AGMO: variants seen among roughly 807,000 people sequenced by gnomAD.
AGMO encodes glyceryl-ether monooxygenase.
AGMO carries 75 observed loss-of-function variants against 60.2 expected under a neutral mutation model. That is an observed-to-expected ratio of 1.25 (90% CI 1.03 to 1.51). AGMO has a LOEUF of 1.51. AGMO is among the 40% of genes most tolerant of loss of function. The pLI is 0.00. For synonymous variants in AGMO, 261 were observed against 177.1 expected (o/e 1.47, Z -3.76); for missense variants, 763 against 525.5 (o/e 1.45, Z -4.42).
chr7:15,392,009 G>A (rs1314368881), intron 6 of AGMO, among the ~76,000 whole-genome samples: 1 of 152,162 alleles, frequency 6.6e-6, no homozygotes, highest in African/African-American at 2.4e-5. Flanking sequence ...AGAGGAAGTA[G>A]CAACTGTTTC....
At chr7:15,271,650 C>T (rs997029168) in intron 12 of AGMO, among the ~76,000 whole-genome samples, 2 of 152,034 alleles carry the variant, frequency 1.3e-5, no homozygotes, top group Non-Finnish European at 2.9e-5. Flanking sequence ...AATTTGGATG[C>T]CTTTTATTTC....
intron 2 of AGMO, among the ~76,000 whole-genome samples, chr7:15,553,338 TAAATA>T (rs936414596): frequency 1.2e-4 from 18 of 150,518 alleles, no homozygotes; most frequent in African/African-American, 1.2e-4. Context: ...AATAAATAAA[TAAATA>T]AAATAAAATA....
chr7:15,395,042 A>G (rs754418521), intron 5 of AGMO, among the ~76,000 whole-genome samples: 1 of 152,218 alleles, frequency 6.6e-6, no homozygotes, highest in African/African-American at 2.4e-5. Context: ...GGTATGTTAC[A>G]TGAATAATAC....
chr7:15,138,928 C>A, the AGMO span, among the ~76,000 whole-genome samples: 1 of 152,056 alleles, frequency 6.6e-6, no homozygotes, highest in Non-Finnish European at 1.5e-5. Flanking sequence ...TATTTATATA[C>A]ATTACATATA....
chr7:15,161,322 AAG>A, the AGMO span, among the ~76,000 whole-genome samples: 7 of 152,088 alleles, frequency 4.6e-5, no homozygotes, highest in African/African-American at 1.7e-4. Flanking sequence ...TTCCCCAAGA[AAG>A]AGCAAATTCT....
chr7:15,502,501 C>T lies in AGMO; in HGVS notation c.409+42271G>A, dbSNP rs150300643. On this transcript the variant is annotated intron_variant, in intron 3 of 12. Coordinates refer to ENST00000342526, the MANE Select transcript of AGMO (RefSeq NM_001004320.2). ...ATATGGGGTCAGATCTCCAGAGAGT[C>T]GCTGATGGTTTTGAGGGTCTGGCTA... is the stretch of plus-strand genomic sequence containing the variant. 3.4e-4 allele frequency among the ~76,000 whole-genome samples: 52 copies of T among 152,040 alleles called. No homozygotes were observed. The East Asian group carries it at 5.0e-3, about 15-fold the overall frequency.
At position 15,512,315 on chromosome 7, in the gene AGMO, G is replaced by A. The variant is rs149314261; in HGVS notation, c.409+32457C>T. ...CTGTTACCCAGGCTGGAGTGCAGAG[G>A]CGCCAACACGGCACCAACCTCCACC... On this transcript the variant is annotated intron_variant, in intron 3 of 12. Transcript: ENST00000342526. 4.2e-4 allele frequency among the ~76,000 whole-genome samples: 64 copies of A among 152,214 alleles called. No individual in the cohort carries two copies. In the East Asian group the frequency reaches 7.1e-3, roughly 17 times the overall value.
chr7:15,139,389 G>T, the AGMO span, among the ~76,000 whole-genome samples: 1 of 151,954 alleles, frequency 6.6e-6, no homozygotes. Context: ...AGGTTCCAGG[G>T]GACATGTGCA....
chr7:15,289,117 C>G (rs182065082), intron 12 of AGMO, among the ~76,000 whole-genome samples: 28 of 150,668 alleles, frequency 1.9e-4, no homozygotes, highest in Admixed American at 9.3e-4. Context: ...TTCTTATTTA[C>G]AAAAAAAAAT....
chr7:15,223,656 G>C (rs1216861183), intron 12 of AGMO, among the ~76,000 whole-genome samples: 1 of 151,900 alleles, frequency 6.6e-6, no homozygotes, highest in Non-Finnish European at 1.5e-5. Flanking sequence ...AACTCCCATA[G>C]AATAAGACTC....
chr7:15,355,611 G>C (rs781261118), intron 12 of AGMO, among the ~76,000 whole-genome samples: 10 of 151,828 alleles, frequency 6.6e-5, no homozygotes, highest in African/African-American at 1.2e-4. Context: ...CCCTCCCCAG[G>C]AGTTGTACAA....
downstream of AGMO, among the ~76,000 whole-genome samples, chr7:15,198,365 G>A (rs533663486): frequency 2.6e-5 from 4 of 152,214 alleles, no homozygotes; most frequent in Non-Finnish European, 4.4e-5. Context: ...CTGTCATCAT[G>A]TATTAGTGCT....
At chr7:15,282,228 T>C (rs1173714651) in intron 12 of AGMO, among the ~76,000 whole-genome samples, 1 of 151,844 alleles carries the variant, frequency 6.6e-6, no homozygotes. Flanking sequence ...CAAACCAAGA[T>C]GAAACCTCTA....
At chr7:15,155,169 T>C in the AGMO span, among the ~76,000 whole-genome samples, 1 of 152,268 alleles carries the variant, frequency 6.6e-6, no homozygotes, top group Admixed American at 6.5e-5. Flanking sequence ...AAAATTTTCA[T>C]GGACAGTATC....
At chr7:15,502,007 T>C (rs1013627392) in intron 3 of AGMO, among the ~76,000 whole-genome samples, 5 of 152,180 alleles carry the variant, frequency 3.3e-5, no homozygotes, top group Admixed American at 3.3e-4. Flanking sequence ...TTGGAGGCAG[T>C]ATGCACTCTC....
At chr7:15,210,265 C>A (rs1187808128) in intron 12 of AGMO, among the ~76,000 whole-genome samples, 1 of 152,104 alleles carries the variant, frequency 6.6e-6, no homozygotes, top group Admixed American at 6.6e-5. Flanking sequence ...TTACCATTTG[C>A]ATTACATTTT....
At chr7:15,485,844 T>G (rs907700265) in intron 3 of AGMO, among the ~76,000 whole-genome samples, 5 of 152,048 alleles carry the variant, frequency 3.3e-5, no homozygotes, top group Non-Finnish European at 5.9e-5. Context: ...TCTTTCCCTA[T>G]GTAGACCTTC....
At chr7:15,531,128 C>CTATATATTCTATATATATTCTA (rs1410026656) in intron 3 of AGMO, among the ~76,000 whole-genome samples, 3 of 59,808 alleles carry the variant, frequency 5.0e-5, no homozygotes, top group African/African-American at 2.2e-4. Context: ...TATATATATT[C>CTATATATTCTATATATATTCTA]TGTATATATT....
intron 3 of AGMO, among the ~76,000 whole-genome samples, chr7:15,509,824 A>G (rs1783623264): frequency 6.6e-6 from 1 of 152,070 alleles, no homozygotes. Flanking sequence ...GCTCAACATT[A>G]CTAATCATCA....
Sources: gnomAD v4.1 joint callset for allele counts (sites outside exome capture counted in the v4.1 genomes callset) on GRCh38, gnomAD v4.1.1 for gene constraint, MANE v1.5 for transcripts, NCBI Gene and HGNC (gene_info 2026-07-23, HGNC 2026-07-21) for gene names.